SLMAP: variants seen among roughly 807,000 people sequenced by gnomAD.
The protein encoded by SLMAP is sarcolemmal membrane-associated protein.
Under a neutral mutation model 128.8 loss-of-function variants are expected in SLMAP, and 44 were observed. The ratio of observed to expected loss-of-function variants is 0.34; its 90% CI spans 0.27 to 0.44. The LOEUF (loss-of-function observed/expected upper bound fraction) is 0.44. Among genes scored for constraint, SLMAP ranks in the 20% least tolerant of loss-of-function variants. The pLI is 1.00. For synonymous variants in SLMAP, 327 were observed against 348.8 expected (o/e 0.94, Z 0.70); for missense variants, 787 against 985.3 (o/e 0.80, Z 2.69).
In SLMAP at chr3:57,884,818, T is replaced by A. The variant is rs534459654; in HGVS notation, c.1301-5223T>A. ...AGCCAGACCTTGTCTCAAAAAAAAA[T>A]AAAATAAAAAAATAAAAGTCTCCCA... On this transcript the variant is annotated intron_variant, in intron 14 of 24. Coordinates refer to ENST00000671191, the MANE Select transcript of SLMAP (RefSeq NM_001377540.1). 2.6e-3 allele frequency among the ~76,000 whole-genome samples: 395 copies of A among 151,650 alleles called. 1 individual carries two copies. The highest frequency in any genetic ancestry group is 4.5e-3 in the Non-Finnish European group (304 of 67,830).
intron 21 of SLMAP, among the ~76,000 whole-genome samples, chr3:57,914,531 C>A (rs1377801459): frequency 6.6e-6 from 1 of 151,476 alleles, no homozygotes; most frequent in East Asian, 1.9e-4. Context: ...TGATATATAT[C>A]ATATATGAAA....
chr3:57,820,843 C>T (rs145191340), intron 2 of SLMAP, among the ~76,000 whole-genome samples: 1 of 152,238 alleles, frequency 6.6e-6, no homozygotes, highest in Non-Finnish European at 1.5e-5. Flanking sequence ...TAGGCAGGTC[C>T]CAGTCTCACT....
rs890126540 is a variant in SLMAP, at chr3:57,757,408, G to C, written c.-244G>C. On this transcript the variant is annotated 5_prime_UTR_variant, in exon 2 of 25. Transcript: ENST00000671191. ...CAGAGAAGAAGATGGACTGAAAGCT[G>C]CCAGTTGGGGACTTTTTGTGATCAC... is the stretch of plus-strand genomic sequence containing the variant. The C allele has an allele frequency of 3.6e-6, 2 of 561,820 alleles. No homozygotes were observed. Among genetic ancestry groups the C allele is most frequent in the Non-Finnish European group, 6.4e-6 (2 of 313,424 alleles). 34.8% of individuals were successfully genotyped at this position (561,820 alleles called of 1,614,324 possible). A position where few individuals can be genotyped will look rare whatever the true frequency, so the allele number is the denominator to read the frequency against.
chr3:57,854,507 A>G (rs1303099495), intron 6 of SLMAP, among the ~76,000 whole-genome samples: 1 of 152,188 alleles, frequency 6.6e-6, no homozygotes, highest in Non-Finnish European at 1.5e-5. Context: ...CTGAGGCATG[A>G]GAATTGCTTG....
intron 20 of SLMAP, 71 bp downstream of exon 20, chr3:57,912,772 A>C: frequency 8.3e-7 from 1 of 1,199,760 alleles, no homozygotes; most frequent in South Asian, 1.6e-5. Context: ...TTTAAAAAAG[A>C]AACATGCAGG....
At chr3:57,897,098 C>A in intron 17 of SLMAP, 166 bp downstream of exon 17, 1 of 1,372,054 alleles carries the variant, frequency 7.3e-7, no homozygotes, top group South Asian at 2.1e-5. Context: ...TGTTTATACC[C>A]AATATTTCAA....
chr3:57,918,485 T>C (rs868478291), intron 22 of SLMAP: 2 of 152,244 alleles, frequency 1.3e-5, no homozygotes, highest in African/African-American at 4.8e-5. Context: ...TAAAAATATG[T>C]CTGATCTTGT....
At chr3:57,843,285 T>TTTTC (rs1254311825) in intron 4 of SLMAP, among the ~76,000 whole-genome samples, 14 of 150,660 alleles carry the variant, frequency 9.3e-5, no homozygotes, top group Non-Finnish European at 2.1e-4. Context: ...TTTTGTTTTC[T>TTTTC]TTTTTCTTTC....
chr3:57,879,097 A>T (rs2095667010), intron 14 of SLMAP, among the ~76,000 whole-genome samples: 1 of 152,190 alleles, frequency 6.6e-6, no homozygotes, highest in Non-Finnish European at 1.5e-5. Flanking sequence ...GGCTCAAGTG[A>T]TCCTCCCAAT....
intron 19 of SLMAP, 125 bp downstream of exon 19, chr3:57,909,275 G>T (rs1303638723): frequency 3.0e-6 from 2 of 658,670 alleles, no homozygotes; most frequent in African/African-American, 3.7e-5. Context: ...GCCGAGAAGG[G>T]TGGATCTCCT....
At chr3:57,832,239 A>G (rs534288899) in intron 3 of SLMAP, among the ~76,000 whole-genome samples, 1 of 152,318 alleles carries the variant, frequency 6.6e-6, no homozygotes, top group East Asian at 1.9e-4. Context: ...TGATTGACAT[A>G]GATCAGTTTT....
intron 15 of SLMAP, among the ~76,000 whole-genome samples, chr3:57,891,630 G>A (rs931885904): frequency 6.6e-6 from 1 of 151,066 alleles, no homozygotes; most frequent in African/African-American, 2.4e-5. Flanking sequence ...AGGCTGGAGT[G>A]CAGTGGCACA....
chr3:57,757,638 C>G lies in SLMAP; in HGVS notation c.-14C>G, dbSNP rs374738806. The stretch of plus-strand genomic sequence containing the variant: ...TTTGTCCCTGGTAGGAGAGACACCC[C>G]CAGTCTATCCTCGATGCCGTCAGCC... On this transcript the variant is annotated 5_prime_UTR_variant, in exon 2 of 25. Coordinates refer to ENST00000671191, the MANE Select transcript of SLMAP (RefSeq NM_001377540.1). 5 of 1,612,770 alleles carry G rather than the reference C, an allele frequency of 3.1e-6. No homozygotes were observed. In the African/African-American group the frequency reaches 6.7e-5, roughly 22 times the overall value.
intron 8 of SLMAP, among the ~76,000 whole-genome samples, chr3:57,859,320 C>CA (rs555697911): frequency 0.018 from 1,239 of 68,428 alleles, 11 homozygotes; most frequent in African/African-American, 0.027. Flanking sequence ...GAGACTGTCT[C>CA]AAAAAAAAAA....
intron 6 of SLMAP, among the ~76,000 whole-genome samples, chr3:57,853,045 C>A (rs2094564772): frequency 6.6e-6 from 1 of 152,142 alleles, no homozygotes; most frequent in Non-Finnish European, 1.5e-5. Flanking sequence ...GGATATAGTT[C>A]ATGGAGTTAA....
In SLMAP at chr3:57,881,609, C is replaced by T. The variant is rs552953324; in HGVS notation, c.1301-8432C>T. Among the ~76,000 whole-genome samples the T allele has an allele frequency of 3.7e-3, 562 of 152,192 alleles. 2 individuals carry two copies. Among genetic ancestry groups the T allele is most frequent in the African/African-American group, 0.013 (540 of 41,552 alleles). ...AGTAGCTGGGACTACAGGCACGTGC[C>T]ACTATGCCCGGCTAATTTTTGTATT... On this transcript the variant is annotated intron_variant, in intron 14 of 24. Transcript: ENST00000671191.
At chr3:57,777,012 A>G (rs897552005) in intron 2 of SLMAP, among the ~76,000 whole-genome samples, 2 of 150,506 alleles carry the variant, frequency 1.3e-5, no homozygotes, top group Non-Finnish European at 1.5e-5. Context: ...AGTGCCTGTC[A>G]TGTAGTAGAT....
At chr3:57,829,159 G>T (rs2093151733) in intron 2 of SLMAP, among the ~76,000 whole-genome samples, 1 of 151,956 alleles carries the variant, frequency 6.6e-6, no homozygotes, top group Admixed American at 6.5e-5. Context: ...ATGAGGTGTT[G>T]ATATACATAC....
chr3:57,926,114 T>A, intron 24 of SLMAP, 180 bp downstream of exon 24: 1 of 587,010 alleles, frequency 1.7e-6, no homozygotes, highest in Non-Finnish European at 3.0e-6. Context: ...ATCCCATAAC[T>A]TTTTGTCTTG....
Sources: gnomAD v4.1 joint callset for allele counts (sites outside exome capture counted in the v4.1 genomes callset) on GRCh38, gnomAD v4.1.1 for gene constraint, MANE v1.5 for transcripts, NCBI Gene and HGNC (gene_info 2026-07-23, HGNC 2026-07-21) for gene names.